The following KALRN variants were observed in gnomAD, a reference collection of about 807,000 sequenced individuals.
KALRN encodes kalirin RhoGEF kinase.
A neutral mutation model predicts 353.7 loss-of-function variants in KALRN; 70 were observed. That is an observed-to-expected ratio of 0.20 (90% CI 0.16 to 0.24). The LOEUF (loss-of-function observed/expected upper bound fraction) is 0.24. KALRN is among the 10% of genes least tolerant of loss of function. The pLI is 1.00. For synonymous variants in KALRN, 1,391 were observed against 1,434.8 expected, an observed-to-expected ratio of 0.97 and a Z score of 0.69; for missense variants, 2,791 against 3,756.7, an observed-to-expected ratio of 0.74 and a Z score of 6.72.
chr3:124,204,480 T>G (rs1465947118), intron 1 of KALRN, among the ~76,000 whole-genome samples: 1 of 152,240 alleles, frequency 6.6e-6, no homozygotes, highest in Non-Finnish European at 1.5e-5. Context: ...GAATGCAGGC[T>G]TACTGCCTGT....
chr3:124,393,035 G>A (rs955844304), intron 11 of KALRN, among the ~76,000 whole-genome samples: 2 of 147,816 alleles, frequency 1.4e-5, no homozygotes, highest in Non-Finnish European at 3.0e-5. Flanking sequence ...GCACAATCTC[G>A]GCTCACTGCA....
intron 1 of KALRN, among the ~76,000 whole-genome samples, chr3:124,077,473 T>C (rs2060313381): frequency 6.6e-6 from 1 of 152,170 alleles, no homozygotes; most frequent in South Asian, 2.1e-4. Flanking sequence ...CACTCATTCA[T>C]TCCTACTCTT....
intron 5 of KALRN, among the ~76,000 whole-genome samples, chr3:124,296,633 A>G (rs888085512): frequency 3.3e-5 from 5 of 152,190 alleles, no homozygotes; most frequent in Non-Finnish European, 7.3e-5. Context: ...GCAGCCGACA[A>G]TGTGTGGTCC....
intron 1 of KALRN, among the ~76,000 whole-genome samples, chr3:124,167,324 A>G (rs2071033094): frequency 6.6e-6 from 1 of 152,208 alleles, no homozygotes; most frequent in Non-Finnish European, 1.5e-5. Flanking sequence ...TTACCCTGGG[A>G]TACCTAGAGG....
At chr3:124,478,586 G>A (rs1237486899) in intron 27 of KALRN, among the ~76,000 whole-genome samples, 1 of 152,128 alleles carries the variant, frequency 6.6e-6, no homozygotes, top group Non-Finnish European at 1.5e-5. Context: ...AATACCTGGG[G>A]TTAGATTTGG....
chr3:124,626,131 G>T (rs1025728216), intron 34 of KALRN, among the ~76,000 whole-genome samples: 3 of 152,092 alleles, frequency 2.0e-5, no homozygotes, highest in African/African-American at 7.2e-5. Flanking sequence ...GTATGAACAT[G>T]AATAAATCTC....
intron 9 of KALRN, among the ~76,000 whole-genome samples, chr3:124,344,372 G>T (rs576539837): frequency 1.3e-5 from 2 of 152,228 alleles, no homozygotes; most frequent in African/African-American, 4.8e-5. Context: ...TCTCTGCTGC[G>T]CAGGATCTGC....
intron 6 of KALRN, among the ~76,000 whole-genome samples, chr3:124,322,961 C>T (rs575692420): frequency 1.5e-4 from 23 of 152,286 alleles, no homozygotes; most frequent in African/African-American, 4.6e-4. Context: ...TAGAGAAGAA[C>T]AATGAGCAAA....
chr3:124,233,253 G>A (rs1317364521), intron 2 of KALRN, among the ~76,000 whole-genome samples: 4 of 152,206 alleles, frequency 2.6e-5, no homozygotes, highest in Non-Finnish European at 4.4e-5. Flanking sequence ...TTGGGGTGAG[G>A]TCAAGGATAG....
intron 9 of KALRN, among the ~76,000 whole-genome samples, chr3:124,345,098 G>A (rs559112412): frequency 3.9e-5 from 6 of 152,242 alleles, no homozygotes; most frequent in African/African-American, 1.2e-4. Context: ...CCATACTTAA[G>A]TGCTCAAAAC....
chr3:124,369,281 C>G (rs2085492325), intron 10 of KALRN, among the ~76,000 whole-genome samples: 1 of 152,130 alleles, frequency 6.6e-6, no homozygotes, highest in Admixed American at 6.5e-5. Flanking sequence ...CCTTATCTTT[C>G]CCTTTTAAAA....
At chr3:124,235,729 C>T (rs943472284) in intron 3 of KALRN, among the ~76,000 whole-genome samples, 2 of 152,300 alleles carry the variant, frequency 1.3e-5, no homozygotes, top group Non-Finnish European at 1.5e-5. Flanking sequence ...TCTTGAGCAG[C>T]GACGGCACTG....
At chr3:124,276,732 C>T (rs969054008) in intron 5 of KALRN, among the ~76,000 whole-genome samples, 2 of 152,208 alleles carry the variant, frequency 1.3e-5, no homozygotes, top group African/African-American at 4.8e-5. Context: ...TAATCTTTGA[C>T]CCAGAGCAGA....
intron 8 of KALRN, among the ~76,000 whole-genome samples, chr3:124,331,520 A>C (rs796778149): frequency 3.9e-5 from 6 of 152,354 alleles, no homozygotes; most frequent in African/African-American, 1.4e-4. Context: ...AGTGTCTGAC[A>C]GTAATGAATA....
chr3:124,268,988 G>A lies in KALRN; in HGVS notation c.702G>A (p.Gln234=). ...GSRRLIDEHT[Q]LKKKVLKAPV... is the part of the protein sequence containing the mutation. ...GGCGGCTCATTGACGAACACACACA[G>A]CTCAAGAAAAAGGTGCTGAAGGCCC... The change falls in exon 5 of 60, where the codon CAG becomes CAA. Residue 234 remains glutamine, a synonymous_variant. Coordinates refer to ENST00000682506, the MANE Select transcript of KALRN (RefSeq NM_001388419.1). The A allele has an allele frequency of 6.2e-7, 1 of 1,614,086 alleles. No individual in the cohort carries two copies. Among genetic ancestry groups the A allele is most frequent in the South Asian group, 1.1e-5 (1 of 91,074 alleles).
intron 1 of KALRN, among the ~76,000 whole-genome samples, chr3:124,151,348 T>C (rs1057415677): frequency 4.6e-5 from 7 of 152,212 alleles, no homozygotes; most frequent in African/African-American, 1.7e-4. Flanking sequence ...ATATTTGGTA[T>C]TATTTGTCTT....
intron 34 of KALRN, among the ~76,000 whole-genome samples, chr3:124,588,588 C>A (rs1198110408): frequency 6.6e-6 from 1 of 152,078 alleles, no homozygotes; most frequent in African/African-American, 2.4e-5. Context: ...CCATGCCCGG[C>A]TAATTTTTTG....
intron 58 of KALRN, among the ~76,000 whole-genome samples, chr3:124,713,543 C>T (rs1369513674): frequency 6.6e-6 from 1 of 152,136 alleles, no homozygotes; most frequent in African/African-American, 2.4e-5. Context: ...ATAGCAACTC[C>T]ATTCTACCAC....
chr3:124,298,119 T>C (rs1228743701), intron 5 of KALRN, among the ~76,000 whole-genome samples: 2 of 152,190 alleles, frequency 1.3e-5, no homozygotes, highest in Admixed American at 6.5e-5. Context: ...CATTGAAGTA[T>C]GTGGGCTGCC....
Sources: allele counts gnomAD v4.1 joint callset (sites outside exome capture counted in the v4.1 genomes callset), GRCh38; gene constraint gnomAD v4.1.1; transcripts MANE v1.5; gene names NCBI Gene and HGNC (gene_info 2026-07-23, HGNC 2026-07-21).